LSS: variants seen among roughly 807,000 people sequenced by gnomAD.
LSS encodes 2,3-epoxysqualene-lanosterol cyclase.
A neutral mutation model predicts 110.3 loss-of-function variants in LSS; 90 were observed. That is an observed-to-expected ratio of 0.82 (90% CI 0.69 to 0.97). The LOEUF (loss-of-function observed/expected upper bound fraction) is 0.97. LSS is among the 50% of genes least tolerant of loss of function. LSS has a pLI of 0.00. For synonymous variants in LSS, 433 were observed against 400.0 expected, an observed-to-expected ratio of 1.08 and a Z score of -0.98; for missense variants, 927 against 990.0, an observed-to-expected ratio of 0.94 and a Z score of 0.85.
chr21:46,191,359 T>A, intron 21 of LSS, 124 bp from the exon 22 acceptor site: 2 of 1,043,864 alleles, frequency 1.9e-6, no homozygotes, highest in Non-Finnish European at 2.9e-6. Context: ...AAGGGCTAAT[T>A]AAGCAAGAGC....
chr21:46,206,888 G>T, intron 15 of LSS, 120 bp from the exon 16 acceptor site: 2 of 742,412 alleles, frequency 2.7e-6, no homozygotes, highest in South Asian at 1.5e-5. Flanking sequence ...GCAGGAACAG[G>T]GGGCGGAGAG....
chr21:46,214,791 T>G (rs554116537), intron 9 of LSS, among the ~76,000 whole-genome samples: 1 of 152,052 alleles, frequency 6.6e-6, no homozygotes, highest in Non-Finnish European at 1.5e-5. Context: ...ACCCTGGGCA[T>G]GTCTAAACCC....
rs1294976624 is a variant in LSS, at chr21:46,228,537, C to A, written c.77G>T (p.Arg26Leu). Reference sequence around the variant, plus strand: ...CTGCCGGCCCCTCTCGCAGTTGAGTCGCCAGCGGCCGAGGTCGGTGGCGGG... The same window carrying A: ...CTGCCGGCCCCTCTCGCAGTTGAGTAGCCAGCGGCCGAGGTCGGTGGCGGG... ...TEPATDLGRW[R>L]LNCERGRQTW... The change falls in exon 2 of 22, where the codon CGA (arginine) becomes CTA (leucine). Residue 26 changes from arginine (R) to leucine (L), a missense_variant. By Grantham distance (102) the Arg-to-Leu change is moderately radical. Coordinates refer to ENST00000397728, the MANE Select transcript of LSS (RefSeq NM_002340.6). 6.3e-7 allele frequency: 1 copy of A among 1,598,686 alleles called. No homozygotes were observed. The highest frequency in any genetic ancestry group is 8.5e-7 in the Non-Finnish European group (1 of 1,178,470).
At chr21:46,227,868 TA>T (rs2080368143) in intron 2 of LSS, among the ~76,000 whole-genome samples, 178 bp from the exon 3 acceptor site, 1 of 152,218 alleles carries the variant, frequency 6.6e-6, no homozygotes, top group South Asian at 2.1e-4. Context: ...CTCAGCAAAG[TA>T]AAAGAACAGC....
intron 17 of LSS, among the ~76,000 whole-genome samples, chr21:46,203,362 G>A (rs2080004539): frequency 6.6e-6 from 1 of 152,218 alleles, no homozygotes; most frequent in Non-Finnish European, 1.5e-5. Flanking sequence ...GCGCTCAATG[G>A]TGGGGCTTTT....
At chr21:46,202,802 G>T (rs1348970988) in intron 17 of LSS, among the ~76,000 whole-genome samples, 1 of 152,136 alleles carries the variant, frequency 6.6e-6, no homozygotes, top group Non-Finnish European at 1.5e-5. Flanking sequence ...GCTTGAGCCC[G>T]GAAGTTTGAG....
At position 46,191,221 on chromosome 21, in the gene LSS, C is replaced by T. The variant is rs2079810167; in HGVS notation, c.2082G>A (p.Gly694=). 6.2e-7 allele frequency: 1 copy of T among 1,613,982 alleles called. No individual in the cohort carries two copies. ...NGDWPQENIA[G]VFNKSCAISY... is the part of the protein sequence containing the mutation. ...AGATGGCACAGGACTTGTTGAAGAC[C>T]CCAGCAATGTTTTCCTAAAAGAACA... is the stretch of plus-strand genomic sequence containing the variant. The change falls in exon 22 of 22, where the codon GGG becomes GGA. Residue 694 remains glycine, a synonymous_variant. Transcript: ENST00000397728.
chr21:46,191,961 TG>T lies in LSS; in HGVS notation c.1989-3del. ...TCCTGGGCCTCGATGTCAGGATGCCTGGTGGAAGAGAAGGCTGAAACACACC... is the reference window on the plus strand; with the variant it reads ...TCCTGGGCCTCGATGTCAGGATGCCTGTGGAAGAGAAGGCTGAAACACACC... On this transcript the variant is annotated splice_region_variant and splice_polypyrimidine_tract_variant and intron_variant, in intron 20 of 21. Coordinates refer to ENST00000397728, the MANE Select transcript of LSS (RefSeq NM_002340.6). 6.2e-7 allele frequency: 1 copy of T among 1,611,734 alleles called. No individual in the cohort carries two copies. Among genetic ancestry groups the T allele is most frequent in the Non-Finnish European group, 8.5e-7 (1 of 1,178,468 alleles).
chr21:46,207,591 G>T lies in LSS; in HGVS notation c.1318-14C>A. On this transcript the variant is annotated splice_polypyrimidine_tract_variant and intron_variant, in intron 14 of 21. Coordinates refer to ENST00000397728, the MANE Select transcript of LSS (RefSeq NM_002340.6). The stretch of plus-strand genomic sequence containing the variant: ...GGAGAAGCCACCCTGCAGAGCACAA[G>T]CCATGACTCCAGGCTGGGGGTGTCC... 2 of 1,605,924 alleles carry T rather than the reference G, an allele frequency of 1.2e-6. No homozygotes were observed. Among genetic ancestry groups the T allele is most frequent in the Non-Finnish European group, 1.7e-6 (2 of 1,177,054 alleles).
At position 46,205,931 on chromosome 21, in the gene LSS, C is replaced by G. The variant is rs1349294402; in HGVS notation, c.1575G>C (p.Met525Ile). 1 of 1,607,216 alleles carries G rather than the reference C, an allele frequency of 6.2e-7. No homozygotes were observed. Among genetic ancestry groups the G allele is most frequent in the African/African-American group, 1.3e-5 (1 of 74,978 alleles). ...TGCACTCCACATAGGTGTAGTCAAT[C>G]ATGATGTCCCCTGGGAAAGGGAGGG... ...LNPSEVFGDIMIDYTYVECTS... is the reference protein window; with the variant it reads ...LNPSEVFGDIIIDYTYVECTS... The change falls in exon 17 of 22, where the codon ATG (methionine) becomes ATC (isoleucine). Residue 525 changes from methionine (M) to isoleucine (I), a missense_variant. By Grantham distance (10) the Met-to-Ile change is conservative (BLOSUM62 1). Coordinates refer to ENST00000397728, the MANE Select transcript of LSS (RefSeq NM_002340.6).
At position 46,207,450 on chromosome 21, in the gene LSS, C is replaced by T. The variant is rs770611932; in HGVS notation, c.1445G>A (p.Arg482Gln). The T allele has an allele frequency of 3.7e-6, 6 of 1,612,460 alleles. No individual in the cohort carries two copies. The highest frequency in any genetic ancestry group is 2.7e-5 in the African/African-American group (2 of 74,940). Reference sequence around the variant, plus strand: ...TACCACAGCCACAGCATCGCAGAGCCGTTCTCTGGGGATGTGCTCGGTGAC... The same window carrying T: ...TACCACAGCCACAGCATCGCAGAGCTGTTCTCTGGGGATGTGCTCGGTGAC... ...PHVTEHIPRERLCDAVAVLLN... is the reference protein window; with the variant it reads ...PHVTEHIPREQLCDAVAVLLN... The change falls in exon 15 of 22, where the codon CGG (arginine) becomes CAG (glutamine). Residue 482 changes from arginine (R) to glutamine (Q), a missense_variant. Transcript: ENST00000397728.
At chr21:46,191,578 G>A (rs1276611549) in intron 21 of LSS, among the ~76,000 whole-genome samples, 1 of 152,216 alleles carries the variant, frequency 6.6e-6, no homozygotes, top group African/African-American at 2.4e-5. Context: ...TCAGTGAGGG[G>A]CCACTAGGTC....
intron 7 of LSS, 47 bp from the exon 8 acceptor site, chr21:46,215,840 G>C (rs766743684): frequency 3.0e-6 from 4 of 1,329,874 alleles, no homozygotes; most frequent in Non-Finnish European, 4.2e-6. Context: ...GCACCTGGTA[G>C]GCCTGGCTCA....
intron 17 of LSS, among the ~76,000 whole-genome samples, chr21:46,199,104 A>G (rs2079947219): frequency 6.6e-6 from 1 of 152,218 alleles, no homozygotes; most frequent in Non-Finnish European, 1.5e-5. Context: ...AAAAGACAAG[A>G]CACAGGCAGA....
At chr21:46,226,337 T>G (rs1004933308) in intron 3 of LSS, among the ~76,000 whole-genome samples, 1 of 152,132 alleles carries the variant, frequency 6.6e-6, no homozygotes, top group African/African-American at 2.4e-5. Flanking sequence ...AGAGGCAAAG[T>G]GGGGCTGACC....
intron 6 of LSS, among the ~76,000 whole-genome samples, chr21:46,217,686 G>A (rs566523235): frequency 9.2e-5 from 14 of 152,298 alleles, no homozygotes; most frequent in African/African-American, 3.1e-4. Flanking sequence ...GTGCCCATGC[G>A]GCAGCACTGA....
chr21:46,205,822 G>A lies in LSS; in HGVS notation c.1670+14C>T. On this transcript the variant is annotated intron_variant, in intron 17 of 21. Coordinates refer to ENST00000397728, the MANE Select transcript of LSS (RefSeq NM_002340.6). ...TTGGCAGCGCCCACACTGAATGGCT[G>A]AGACCCTCCTTACCGGATCTCCGCT... The A allele has an allele frequency of 6.3e-7, 1 of 1,587,216 alleles. No individual in the cohort carries two copies. Among genetic ancestry groups the A allele is most frequent in the Non-Finnish European group, 8.6e-7 (1 of 1,165,470 alleles).
At chr21:46,217,959 G>C (rs2080227977) in intron 6 of LSS, among the ~76,000 whole-genome samples, 1 of 152,116 alleles carries the variant, frequency 6.6e-6, no homozygotes, top group Non-Finnish European at 1.5e-5. Context: ...ACCCTCCCGG[G>C]GTGATCTCAC....
Position 46,191,014 on chromosome 21 carries a change from A to G in LSS, c.*90T>C, listed in dbSNP as rs1401791989. 5 of 1,497,238 alleles carry G rather than the reference A, an allele frequency of 3.3e-6. No individual in the cohort carries two copies. Among genetic ancestry groups the G allele is most frequent in the Non-Finnish European group, 4.6e-6 (5 of 1,092,902 alleles). 92.7% of individuals were successfully genotyped at this position (1,497,238 alleles called of 1,614,324 possible). On this transcript the variant is annotated 3_prime_UTR_variant, in exon 22 of 22. Coordinates refer to ENST00000397728, the MANE Select transcript of LSS (RefSeq NM_002340.6). Reference sequence around the variant, plus strand: ...ATAGAGGTTGAGGGGTTGGAGCCCAAGACAGGGTTATGGGAGGGCTCCCCA... The same window carrying G: ...ATAGAGGTTGAGGGGTTGGAGCCCAGGACAGGGTTATGGGAGGGCTCCCCA...
Sources: gnomAD v4.1 joint callset for allele counts (sites outside exome capture counted in the v4.1 genomes callset) on GRCh38, gnomAD v4.1.1 for gene constraint, MANE v1.5 for transcripts, NCBI Gene and HGNC (gene_info 2026-07-23, HGNC 2026-07-21) for gene names.